TMEM107: variants seen among roughly 807,000 people sequenced by gnomAD.
The protein encoded by TMEM107 is transmembrane protein 107.
Under a neutral mutation model 16.8 loss-of-function variants are expected in TMEM107, and 18 were observed. The ratio of observed to expected loss-of-function variants is 1.07; its 90% confidence interval spans 0.74 to 1.59. The LOEUF is 1.59. TMEM107 is among the 40% of genes most tolerant of loss of function. The pLI, the probability that TMEM107 is intolerant of heterozygous loss-of-function variation, is 0.00. For missense variants in TMEM107, 152 were observed against 175.4 expected (o/e 0.87, Z 0.75); for synonymous variants, 68 against 71.6 (o/e 0.95, Z 0.25).
At position 8,173,393 on chromosome 17, in the gene TMEM107, A is replaced by G. The variant is rs191236095; in HGVS notation, c.*810T>C. ...AAGGTTATCCCAGTCAGAACTTCATAGCTATGTTTGTGGATATCTGCTAAT... is the reference window on the plus strand; with the variant it reads ...AAGGTTATCCCAGTCAGAACTTCATGGCTATGTTTGTGGATATCTGCTAAT... On this transcript the variant is annotated 3_prime_UTR_variant, in exon 5 of 5. Coordinates refer to ENST00000437139, the MANE Select transcript of TMEM107 (RefSeq NM_183065.4). The G allele has an allele frequency of 4.6e-5, 33 of 710,776 alleles. 1 individual carries two copies. The highest frequency in any genetic ancestry group is 3.2e-4 in the South Asian group (22 of 67,838). The allele number at this position is 710,776 out of a possible 1,614,324, so 44.0% of individuals were successfully genotyped here.
In TMEM107 at chr17:8,176,275, G is replaced by A. The variant is rs1420115845; in HGVS notation, c.12C>T (p.Val4=). The A allele has an allele frequency of 6.2e-7, 1 of 1,613,984 alleles. No individual in the cohort carries two copies. The highest frequency in any genetic ancestry group is 2.2e-5 in the East Asian group (1 of 44,882). ...GGAAGCGAGAGGGCACAAGCCCTGA[G>A]ACCCGGCCCATGGCCCTCGGGGACA... is the stretch of plus-strand genomic sequence containing the variant. MGR[V]SGLVPSRFLT... Residue 4 remains valine, a synonymous_variant, in exon 1 of 5, where the codon GTC becomes GTT. Coordinates refer to ENST00000437139, the MANE Select transcript of TMEM107 (RefSeq NM_183065.4).
At chr17:8,174,662 G>GTGA (rs1983983282) in intron 3 of TMEM107, 46 bp from the exon 4 acceptor site, 18 of 1,562,566 alleles carry the variant, frequency 1.2e-5, no homozygotes, top group Non-Finnish European at 1.6e-5. Flanking sequence ...TCGACAGACA[G>GTGA]TGATGGGTCA....
rs765245203 is a variant in TMEM107, at chr17:8,173,435, TAA to T, written c.*766_*767del. On this transcript the variant is annotated 3_prime_UTR_variant, in exon 5 of 5. Transcript: ENST00000437139. ...TCTGCTAATCAGCATAACACAAATG[TAA>T]GTGATCGTCAGAAAGAATCAGACAG... 243 of 760,526 alleles carry T rather than the reference TAA, an allele frequency of 3.2e-4. 4 individuals are homozygous for T. In the South Asian group the frequency reaches 3.2e-3, roughly 10 times the overall value. The allele number at this position is 760,526 out of a possible 1,614,324, so 47.1% of individuals were successfully genotyped here.
At position 8,173,349 on chromosome 17, in the gene TMEM107, T is replaced by TAGACAAACAGCAATAGCAAGACG; in HGVS notation, c.*853_*854insCGTCTTGCTATTGCTGTTTGTCT. On this transcript the variant is annotated 3_prime_UTR_variant, in exon 5 of 5. Transcript: ENST00000437139. Reference sequence around the variant, plus strand: ...AATAGACAAACAGCAATAGCAAGACTGCAAAATAGACAAACAGCAAGGTTA... The same window carrying TAGACAAACAGCAATAGCAAGACG: ...AATAGACAAACAGCAATAGCAAGACTAGACAAACAGCAATAGCAAGACGGCAAAATAGACAAACAGCAAGGTTA... 1.6e-6 allele frequency: 1 copy of TAGACAAACAGCAATAGCAAGACG among 610,248 alleles called. No individual in the cohort carries two copies. The highest frequency in any genetic ancestry group is 3.0e-6 in the Non-Finnish European group (1 of 334,766). 37.8% of individuals were successfully genotyped at this position (610,248 alleles called of 1,614,324 possible). A position where few individuals can be genotyped will look rare whatever the true frequency, so the allele number is the denominator to read the frequency against.
Position 8,173,536 on chromosome 17 carries a change from T to TG in TMEM107, c.*666_*667insC, listed in dbSNP as rs757824735. ...GTTTCATGCATCTCCAATCATCATG[T>TG]TCTAATCTGCCCTCCGGAGGAGGAA... On this transcript the variant is annotated 3_prime_UTR_variant, in exon 5 of 5. Coordinates refer to ENST00000437139, the MANE Select transcript of TMEM107 (RefSeq NM_183065.4). 1 of 765,304 alleles carries TG rather than the reference T, an allele frequency of 1.3e-6. No homozygotes were observed. The highest frequency in any genetic ancestry group is 2.4e-6 in the Non-Finnish European group (1 of 418,038). 47.4% of individuals were successfully genotyped at this position (765,304 alleles called of 1,614,324 possible).
In TMEM107 at chr17:8,173,566, T is replaced by G. The variant is rs369486184; in HGVS notation, c.*637A>C. 1.4e-4 allele frequency: 109 copies of G among 765,256 alleles called. No homozygotes were observed. Among genetic ancestry groups the G allele is most frequent in the East Asian group, 1.2e-4 (5 of 41,246 alleles). 47.4% of individuals were successfully genotyped at this position (765,256 alleles called of 1,614,324 possible). On this transcript the variant is annotated 3_prime_UTR_variant, in exon 5 of 5. Coordinates refer to ENST00000437139, the MANE Select transcript of TMEM107 (RefSeq NM_183065.4). Reference sequence around the variant, plus strand: ...ATCTGCCCTCCGGAGGAGGAACAGGTAAGGATTATCCCACCTGACGATACA... The same window carrying G: ...ATCTGCCCTCCGGAGGAGGAACAGGGAAGGATTATCCCACCTGACGATACA...
chr17:8,175,907 C>T (rs1477900397), intron 2 of TMEM107, 50 bp from the exon 3 acceptor site: 4 of 1,613,958 alleles, frequency 2.5e-6, no homozygotes, highest in African/African-American at 2.7e-5. Context: ...ATTCTAAGAC[C>T]CCTCCACTCC....
intron 3 of TMEM107, 185 bp downstream of exon 3, chr17:8,175,572 C>T (rs1416480155): frequency 4.3e-6 from 3 of 698,478 alleles, no homozygotes; most frequent in African/African-American, 1.7e-5. Flanking sequence ...ACATGCCTGG[C>T]CAAAAACTGT....
chr17:8,176,171 G>A (rs368178060), intron 1 of TMEM107, 29 bp downstream of exon 1: 3 of 1,608,196 alleles, frequency 1.9e-6, no homozygotes, highest in African/African-American at 1.3e-5. Context: ...TGGGAATGGG[G>A]ACGGATTGAG....
At position 8,173,135 on chromosome 17, in the gene TMEM107, G is replaced by C. The variant is rs1299123834; in HGVS notation, c.*1068C>G. 3 of 267,786 alleles carry C rather than the reference G, an allele frequency of 1.1e-5. No homozygotes were observed. Among genetic ancestry groups the C allele is most frequent in the Non-Finnish European group, 1.5e-5 (2 of 137,424 alleles). 16.6% of individuals were successfully genotyped at this position (267,786 alleles called of 1,614,324 possible). ...CAGTTCCTATTGAATACCATCCTGA[G>C]GGCAACCACCATGTGCACAAGACTG... is the stretch of plus-strand genomic sequence containing the variant. On this transcript the variant is annotated 3_prime_UTR_variant, in exon 5 of 5. Transcript: ENST00000437139.
chr17:8,174,398 C>T, intron 4 of TMEM107, 122 bp downstream of exon 4: 2 of 1,304,936 alleles, frequency 1.5e-6, no homozygotes, highest in South Asian at 2.4e-5. Flanking sequence ...ACTTTAAAAG[C>T]CTACAGGATG....
In TMEM107 at chr17:8,173,564, G is replaced by C. The variant is rs12940891; in HGVS notation, c.*639C>G. 5.2e-5 allele frequency: 40 copies of C among 765,210 alleles called. No homozygotes were observed. Among genetic ancestry groups the C allele is most frequent in the South Asian group, 9.4e-5 (7 of 74,590 alleles). 47.4% of individuals were successfully genotyped at this position (765,210 alleles called of 1,614,324 possible). ...TAATCTGCCCTCCGGAGGAGGAACA[G>C]GTAAGGATTATCCCACCTGACGATA... is the stretch of plus-strand genomic sequence containing the variant. On this transcript the variant is annotated 3_prime_UTR_variant, in exon 5 of 5. Transcript: ENST00000437139.
chr17:8,174,601 C>T lies in TMEM107; in HGVS notation c.272G>A (p.Cys91Tyr), dbSNP rs1263560335. The change falls in exon 4 of 5, where the codon TGT (cysteine) becomes TAT (tyrosine). Residue 91 changes from cysteine (C) to tyrosine (Y), a missense_variant. Transcript: ENST00000437139. ...TQSLISIGAH[C>Y]SASVALSFFI... ...GAAGGACAGGGCCACGGATGCACTA[C>T]AGTGAGCCCCAATGGCTTGGGAAGG... 1.9e-6 allele frequency: 3 copies of T among 1,614,052 alleles called. No individual in the cohort carries two copies. The highest frequency in any genetic ancestry group is 1.3e-5 in the African/African-American group (1 of 74,940).
chr17:8,173,530 A>ATCATG lies in TMEM107; in HGVS notation c.*668_*672dup, dbSNP rs772710482. The ATCATG allele has an allele frequency of 1.3e-6, 1 of 765,454 alleles. No individual in the cohort carries two copies. The highest frequency in any genetic ancestry group is 2.4e-6 in the Non-Finnish European group (1 of 418,028). 47.4% of individuals were successfully genotyped at this position (765,454 alleles called of 1,614,324 possible). Reference sequence around the variant, plus strand: ...AATCACGTTTCATGCATCTCCAATCATCATGTTCTAATCTGCCCTCCGGAG... The same window carrying ATCATG: ...AATCACGTTTCATGCATCTCCAATCATCATGTCATGTTCTAATCTGCCCTCCGGAG... On this transcript the variant is annotated 3_prime_UTR_variant, in exon 5 of 5. Coordinates refer to ENST00000437139, the MANE Select transcript of TMEM107 (RefSeq NM_183065.4).
chr17:8,174,679 G>T, intron 3 of TMEM107, 63 bp from the exon 4 acceptor site: 1 of 1,430,090 alleles, frequency 7.0e-7, no homozygotes, highest in Non-Finnish European at 9.9e-7. Context: ...GTCAGAAAAG[G>T]CCAGTGGTGG....
chr17:8,175,599 G>A (rs1448283826), intron 3 of TMEM107, 158 bp downstream of exon 3: 1 of 767,558 alleles, frequency 1.3e-6, no homozygotes, highest in Admixed American at 2.0e-5. Flanking sequence ...CTCTCATTTT[G>A]GGATTTTAAG....
In TMEM107 at chr17:8,173,476, G is replaced by T. The variant is rs541427710; in HGVS notation, c.*727C>A. On this transcript the variant is annotated 3_prime_UTR_variant, in exon 5 of 5. Transcript: ENST00000437139. ...AGAATCAGACAGGAGCAATCAGGGT[G>T]TTGCAAGTCCTGATTACGCAGAGAC... 6.5e-5 allele frequency: 50 copies of T among 764,608 alleles called. No individual in the cohort carries two copies. Among genetic ancestry groups the T allele is most frequent in the Admixed American group, 1.5e-4 (9 of 58,960 alleles). The allele number at this position is 764,608 out of a possible 1,614,324, so 47.4% of individuals were successfully genotyped here. A position where few individuals can be genotyped will look rare whatever the true frequency, so the allele number is the denominator to read the frequency against.
Position 8,173,746 on chromosome 17 carries a change from CG to C in TMEM107, c.*456del. On this transcript the variant is annotated 3_prime_UTR_variant, in exon 5 of 5. Coordinates refer to ENST00000437139, the MANE Select transcript of TMEM107 (RefSeq NM_183065.4). The stretch of plus-strand genomic sequence containing the variant: ...CATTTTTTTAAATTTTTTTTTCATT[CG>C]GCTGCCGAAAAGGAATAAATTACTT... The C allele has an allele frequency of 1.8e-6, 1 of 552,006 alleles. No homozygotes were observed. The allele number at this position is 552,006 out of a possible 1,614,324, so 34.2% of individuals were successfully genotyped here.
intron 3 of TMEM107, chr17:8,175,553 C>G: frequency 1.5e-6 from 1 of 664,230 alleles, no homozygotes. Context: ...GGATTACAGA[C>G]GTGAGCCAAC....
Sources: gnomAD v4.1 joint callset for allele counts on GRCh38, gnomAD v4.1.1 for gene constraint, MANE v1.5 for transcripts, NCBI Gene and HGNC (gene_info 2026-07-23, HGNC 2026-07-21) for gene names.